Variants in PCDHGA3 observed in about 807,000 individuals in gnomAD.
PCDHGA3 encodes protocadherin gamma-A3.
PCDHGA3 carries 40 observed loss-of-function variants against 58.5 expected under a neutral mutation model. The ratio of observed to expected loss-of-function variants is 0.68; its 90% confidence interval spans 0.53 to 0.89. The LOEUF (loss-of-function observed/expected upper bound fraction) is 0.89, where lower values mean the gene tolerates loss of function less well. Among genes scored for constraint, PCDHGA3 ranks in the 40% least tolerant of loss-of-function variants. The pLI is 0.00. For missense variants in PCDHGA3, 1,223 were observed against 1,195.9 expected (o/e 1.02, Z -0.33); for synonymous variants, 530 against 525.7 (o/e 1.01, Z -0.11).
In PCDHGA3 at chr5:141,408,857, G is replaced by T. The variant is rs372861749; in HGVS notation, c.2424+62400G>T. 1.9e-5 allele frequency: 30 copies of T among 1,613,424 alleles called. No homozygotes were observed. Among genetic ancestry groups the T allele is most frequent in the Non-Finnish European group, 2.5e-5 (29 of 1,179,810 alleles). ...GATATTGACTGCCTTGGACGGAGGG[G>T]ACCCACCAAGAAGTGCCACCGCTCA... On this transcript the variant is annotated intron_variant, in intron 1 of 3. Coordinates refer to ENST00000253812, the MANE Select transcript of PCDHGA3 (RefSeq NM_018916.4).
At chr5:141,357,088 C>G (rs530114356) in intron 1 of PCDHGA3, 3 of 1,613,900 alleles carry the variant, frequency 1.9e-6, no homozygotes, top group Middle Eastern at 3.3e-4. Context: ...GCGCACCGCA[C>G]GGGCCCTGCT....
rs139839962 is a variant in PCDHGA3, at chr5:141,380,524, G to C, written c.2424+34067G>C. On this transcript the variant is annotated intron_variant, in intron 1 of 3. Coordinates refer to ENST00000253812, the MANE Select transcript of PCDHGA3 (RefSeq NM_018916.4). ...ATATACACTCTTTAAACTATGAAAT[G>C]ATTTCAATTTGATACAATGAGCTTA... Among the ~76,000 whole-genome samples the C allele has an allele frequency of 4.5e-3, 691 of 152,196 alleles. 6 individuals are homozygous for C. Among genetic ancestry groups the C allele is most frequent in the Middle Eastern group, 0.014 (4 of 294 alleles).
At chr5:141,434,194 GTACT>G (rs527775432) in intron 1 of PCDHGA3, among the ~76,000 whole-genome samples, 169 of 152,308 alleles carry the variant, frequency 1.1e-3, no homozygotes, top group African/African-American at 3.9e-3. Flanking sequence ...TAATTCCAAT[GTACT>G]TACTTCTGTC....
At chr5:141,389,596 C>T (rs768865727) in intron 1 of PCDHGA3, 2 of 1,613,132 alleles carry the variant, frequency 1.2e-6, no homozygotes, top group Non-Finnish European at 1.7e-6. Context: ...GACGGCTCTG[C>T]GCTCTTCGAT....
chr5:141,370,244 ACT>A, intron 1 of PCDHGA3: 2 of 633,826 alleles, frequency 3.2e-6, no homozygotes, highest in Non-Finnish European at 5.1e-6. Flanking sequence ...AGAAAAGTGC[ACT>A]CTCTATCAGG....
intron 1 of PCDHGA3, chr5:141,395,524 T>A: frequency 2.5e-6 from 1 of 392,376 alleles, no homozygotes; most frequent in Non-Finnish European, 4.5e-6. Flanking sequence ...CCGTCCATAC[T>A]GGTAATTTTG....
chr5:141,409,624 G>C lies in PCDHGA3; in HGVS notation c.2424+63167G>C, dbSNP rs747166507. 11 of 1,613,728 alleles carry C rather than the reference G, an allele frequency of 6.8e-6. No homozygotes were observed. The South Asian group carries it at 8.8e-5, about 13-fold the overall frequency. On this transcript the variant is annotated intron_variant, in intron 1 of 3. Transcript: ENST00000253812. The stretch of plus-strand genomic sequence containing the variant: ...CGCCAGGAGCCTCCATTGCGCAAGT[G>C]AGCGCCTCTGACCCGGATTTGGGGC...
Position 141,408,446 on chromosome 5 carries a change from G to A in PCDHGA3, c.2424+61989G>A, listed in dbSNP as rs371079756. 1.7e-5 allele frequency: 28 copies of A among 1,613,946 alleles called. No individual in the cohort carries two copies. Among genetic ancestry groups the A allele is most frequent in the Non-Finnish European group, 1.1e-5 (13 of 1,179,916 alleles). On this transcript the variant is annotated intron_variant, in intron 1 of 3. Transcript: ENST00000253812. ...GCACTTCAGCGTAGACGCGGAGAGC[G>A]GGGACTTACTTGTGAAGAACCGAAT...
chr5:141,389,899 A>G (rs1328617262), intron 1 of PCDHGA3: 1 of 1,614,032 alleles, frequency 6.2e-7, no homozygotes, highest in South Asian at 1.1e-5. Flanking sequence ...GTGCTGCCGG[A>G]TATCACTGAC....
intron 2 of PCDHGA3, among the ~76,000 whole-genome samples, chr5:141,500,324 T>G (rs1165047676): frequency 6.6e-6 from 1 of 151,994 alleles, no homozygotes; most frequent in African/African-American, 2.4e-5. Flanking sequence ...TGCTCCTGCC[T>G]CAGCCTCCAG....
Position 141,487,892 on chromosome 5 carries a change from T to A in PCDHGA3, c.2425-6915T>A. On this transcript the variant is annotated intron_variant, in intron 1 of 3. Coordinates refer to ENST00000253812, the MANE Select transcript of PCDHGA3 (RefSeq NM_018916.4). The surrounding 1 kb of genome is among the most constrained non-coding windows in gnomAD (Gnocchi z 5.0). The stretch of plus-strand genomic sequence containing the variant: ...GAGCCAGGCTGTTGTGGAAGCATGA[T>A]GATGGAATGTGGGAGCACAGGAGGC... 1 of 731,410 alleles carries A rather than the reference T, an allele frequency of 1.4e-6. No homozygotes were observed. Among genetic ancestry groups the A allele is most frequent in the South Asian group, 1.8e-5 (1 of 54,120 alleles). The allele number at this position is 731,410 out of a possible 1,614,324, so 45.3% of individuals were successfully genotyped here. A position where few individuals can be genotyped will look rare whatever the true frequency, so the allele number is the denominator to read the frequency against.
chr5:141,418,413 A>T, intron 1 of PCDHGA3: 1 of 1,614,048 alleles, frequency 6.2e-7, no homozygotes, highest in Non-Finnish European at 8.5e-7. Flanking sequence ...GAGAAAGACA[A>T]TCCTGATGGT....
At chr5:141,415,012 C>T (rs1451963535) in intron 1 of PCDHGA3, 2 of 1,613,644 alleles carry the variant, frequency 1.2e-6, no homozygotes, top group South Asian at 1.1e-5. Context: ...CTACCGTCTG[C>T]TCAAGGCCAG....
intron 1 of PCDHGA3, chr5:141,355,852 G>A (rs769137645): frequency 6.2e-7 from 1 of 1,612,424 alleles, no homozygotes; most frequent in South Asian, 1.1e-5. Context: ...CTTCGATGGA[G>A]GTGACCCGGT....
At chr5:141,398,632 A>G (rs1589336934) in intron 1 of PCDHGA3, 7 of 1,613,946 alleles carry the variant, frequency 4.3e-6, no homozygotes, top group Non-Finnish European at 5.1e-6. Context: ...CTCTCTGCAG[A>G]AGTATAAACT....
chr5:141,352,444 C>T (rs562202552), intron 1 of PCDHGA3: 1 of 1,614,062 alleles, frequency 6.2e-7, no homozygotes, highest in Non-Finnish European at 8.5e-7. Context: ...CCGGTCTCTG[C>T]TCCAAGTCTG....
At chr5:141,421,774 C>G (rs767599830) in intron 1 of PCDHGA3, 27 of 1,613,772 alleles carry the variant, frequency 1.7e-5, no homozygotes, top group Middle Eastern at 1.6e-4. Context: ...TTCCTTGCAA[C>G]TGCGGGGCAG....
rs147783721 is a variant in PCDHGA3 at position 141,404,989 on chromosome 5, G to A, written c.2424+58532G>A. 5 of 1,614,046 alleles carry A rather than the reference G, an allele frequency of 3.1e-6. No homozygotes were observed. The South Asian group carries it at 4.4e-5, about 14-fold the overall frequency. On this transcript the variant is annotated intron_variant, in intron 1 of 3. Coordinates refer to ENST00000253812, the MANE Select transcript of PCDHGA3 (RefSeq NM_018916.4). The stretch of plus-strand genomic sequence containing the variant: ...TCCTGGCTGACCTGGGCAGTCTTCA[G>A]ATCCCTGCAGACCTGGAGGCCTCAG...
intron 1 of PCDHGA3, chr5:141,350,705 T>C (rs761943994): frequency 6.2e-7 from 1 of 1,613,940 alleles, no homozygotes; most frequent in Non-Finnish European, 8.5e-7. Context: ...CGGGGTAAAA[T>C]TCTCTCTGGA....
Sources: gnomAD v4.1 joint callset for allele counts (sites outside exome capture counted in the v4.1 genomes callset) on GRCh38, gnomAD v4.1.1 for gene constraint, Gnocchi (gnomAD v3.1) non-coding constraint, MANE v1.5 for transcripts, NCBI Gene and HGNC (gene_info 2026-07-23, HGNC 2026-07-21) for gene names.